The following HECTD4 variants were observed in gnomAD, a reference collection of about 807,000 sequenced individuals.
The protein encoded by HECTD4 is probable E3 ubiquitin-protein ligase HECTD4.
In HECTD4, 114 loss-of-function variants were observed where a neutral mutation model predicts 471.5. That is an observed-to-expected ratio of 0.24 (90% CI 0.21 to 0.28). The LOEUF (loss-of-function observed/expected upper bound fraction) is 0.28, where lower values mean the gene tolerates loss of function less well. Ranked by LOEUF, HECTD4 falls within the 10% of genes least tolerant of loss-of-function variation. The pLI, the probability that HECTD4 is intolerant of heterozygous loss-of-function variation, is 1.00. For synonymous variants in HECTD4, 2,012 were observed against 2,256.0 expected (o/e 0.89, Z 3.07); for missense variants, 3,866 against 5,651.5 (o/e 0.68, Z 10.13).
chr12:112,167,242 C>T (rs1716482253), intron 72 of HECTD4, 75 bp downstream of exon 72: 1 of 1,331,436 alleles, frequency 7.5e-7, no homozygotes. Flanking sequence ...GAGCTCGGGT[C>T]TGCATGGAGG....
At chr12:112,229,575 T>C in intron 41 of HECTD4, 123 bp downstream of exon 41, 1 of 964,220 alleles carries the variant, frequency 1.0e-6, no homozygotes, top group South Asian at 1.6e-5. Flanking sequence ...CTTATTTAGC[T>C]TGAAGAAACA....
intron 53 of HECTD4, 147 bp downstream of exon 53, chr12:112,204,339 C>T: frequency 1.3e-6 from 1 of 777,492 alleles, no homozygotes; most frequent in South Asian, 1.8e-5. Flanking sequence ...CCTAGGGCTT[C>T]ACATGGGGCG....
rs1433547894 is a variant in HECTD4, at chr12:112,212,673, AAACATATTTTC to A, written c.7466-34_7466-24del. The A allele has an allele frequency of 1.9e-6, 3 of 1,571,664 alleles. No homozygotes were observed. In the African/African-American group the frequency reaches 4.1e-5, roughly 21 times the overall value. On this transcript the variant is annotated intron_variant, in intron 48 of 75. Coordinates refer to ENST00000682272, the MANE Select transcript of HECTD4 (RefSeq NM_001388303.1). The stretch of plus-strand genomic sequence containing the variant: ...CACCTATAGCAGAGAACGGGAAGGA[AAACATATTTTC>A]TCCCTTTTATTAAGTAAATTTTAAA...
At chr12:112,343,511 T>G (rs1218624249) in intron 1 of HECTD4, among the ~76,000 whole-genome samples, 2 of 152,192 alleles carry the variant, frequency 1.3e-5, no homozygotes, top group African/African-American at 4.8e-5. Context: ...GGCTCAGGTC[T>G]GTAATCCCAG....
rs2031206550 is a variant in HECTD4, at chr12:112,171,193, G to T, written c.11856C>A (p.Phe3952Leu). ...LQSLNTTLET[F>L]FLPLVELRQT... ...GGCGCAGCTCCACCAGGGGCAGGAA[G>T]AAGGTCTCCAGTGTGGTGTTGAGGG... The change falls in exon 68 of 76, where the codon TTC (phenylalanine) becomes TTA (leucine). Residue 3952 changes from phenylalanine to leucine, a missense_variant. Phe to Leu is a conservative substitution (Grantham distance 22, BLOSUM62 0). Transcript: ENST00000682272. The T allele has an allele frequency of 6.2e-7, 1 of 1,613,254 alleles. No homozygotes were observed.
At chr12:112,359,354 A>G (rs1028700163) in intron 1 of HECTD4, among the ~76,000 whole-genome samples, 6 of 152,010 alleles carry the variant, frequency 3.9e-5, no homozygotes, top group African/African-American at 7.3e-5. Context: ...AAAAAATTGC[A>G]AACTCTCAGG....
intron 4 of HECTD4, among the ~76,000 whole-genome samples, 159 bp from the exon 5 acceptor site, chr12:112,309,828 G>A (rs1487666847): frequency 3.9e-5 from 6 of 152,156 alleles, no homozygotes; most frequent in African/African-American, 1.4e-4. Flanking sequence ...AAGATGGCTT[G>A]AGCCCCCAAA....
At chr12:112,226,525 T>C (rs917055530) in intron 44 of HECTD4, 118 bp downstream of exon 44, 3 of 568,410 alleles carry the variant, frequency 5.3e-6, no homozygotes, top group Non-Finnish European at 9.2e-6. Flanking sequence ...GGTGTTGTCC[T>C]TACAGCTCGG....
At chr12:112,220,932 T>C (rs182070376) in intron 44 of HECTD4, among the ~76,000 whole-genome samples, 1 of 152,206 alleles carries the variant, frequency 6.6e-6, no homozygotes, top group Admixed American at 6.5e-5. Flanking sequence ...CTGGGAGACA[T>C]AGTGAGACCC....
chr12:112,261,706 G>A (rs1220426962), intron 17 of HECTD4: 1 of 248,612 alleles, frequency 4.0e-6, no homozygotes, highest in Non-Finnish European at 7.8e-6. Flanking sequence ...TAGGAGAAAA[G>A]GCTCCCATCC....
chr12:112,360,344 A>C (rs1301201764), intron 1 of HECTD4, among the ~76,000 whole-genome samples: 1 of 152,158 alleles, frequency 6.6e-6, no homozygotes, highest in African/African-American at 2.4e-5. Context: ...TAAATAAATG[A>C]ATAAAATGTA....
chr12:112,332,980 C>T (rs968785982), intron 1 of HECTD4, among the ~76,000 whole-genome samples: 8 of 152,158 alleles, frequency 5.3e-5, no homozygotes, highest in Admixed American at 4.6e-4. Flanking sequence ...TAATTGGTCT[C>T]TTTCTCTCAG....
intron 9 of HECTD4, among the ~76,000 whole-genome samples, chr12:112,277,038 G>A (rs1469661609): frequency 6.6e-6 from 1 of 152,130 alleles, no homozygotes; most frequent in Non-Finnish European, 1.5e-5. Context: ...GTCCCTCCAA[G>A]GGTAAACATA....
At position 112,258,599 on chromosome 12, in the gene HECTD4, G is replaced by A; in HGVS notation, c.3028-3C>T. The A allele has an allele frequency of 3.1e-6, 5 of 1,594,144 alleles. No homozygotes were observed. The highest frequency in any genetic ancestry group is 4.3e-6 in the Non-Finnish European group (5 of 1,172,918). ...TGGGTTTTAAGCAGCAACGCCGTCT[G>A]AAACACAAAACCATCATTATGTCTT... is the stretch of plus-strand genomic sequence containing the variant. On this transcript the variant is annotated splice_region_variant and splice_polypyrimidine_tract_variant and intron_variant, in intron 19 of 75. Transcript: ENST00000682272.
intron 72 of HECTD4, among the ~76,000 whole-genome samples, chr12:112,165,562 A>G (rs1480807423): frequency 2.0e-5 from 3 of 151,878 alleles, no homozygotes; most frequent in Non-Finnish European, 2.9e-5. Flanking sequence ...TGTGTTAGCC[A>G]GGATGGTCTC....
rs543451769 is a variant in HECTD4 at position 112,213,366 on chromosome 12, C to T, written c.7466-716G>A. 3.3e-5 allele frequency among the ~76,000 whole-genome samples: 5 copies of T among 152,084 alleles called. No homozygotes were observed. The highest frequency in any genetic ancestry group is 7.2e-5 in the African/African-American group (3 of 41,502). On this transcript the variant is annotated intron_variant, in intron 48 of 75. Transcript: ENST00000682272. The surrounding 1 kb of genome is among the most constrained non-coding windows in gnomAD (Gnocchi z 4.0). ...AAAAAGGTATTAGTAATATCATCTC[C>T]GGTGAATATTCAGAAATGGCCTAAA...
chr12:112,263,079 T>TA (rs139835055), intron 17 of HECTD4, among the ~76,000 whole-genome samples: 14,651 of 152,196 alleles, frequency 0.096, 1,882 homozygotes, highest in East Asian at 0.62. Context: ...GGGCTTGTTG[T>TA]TAATACAGCA....
chr12:112,271,555 G>A (rs778032137), intron 11 of HECTD4, among the ~76,000 whole-genome samples: 2 of 152,306 alleles, frequency 1.3e-5, no homozygotes, highest in South Asian at 2.1e-4. Context: ...CTAACCATGA[G>A]AAAGCATCAG....
At chr12:112,252,650 C>A in intron 22 of HECTD4, 122 bp from the exon 23 acceptor site, 1 of 1,163,668 alleles carries the variant, frequency 8.6e-7, no homozygotes, top group South Asian at 1.5e-5. Context: ...CTCCTTTTCT[C>A]ATTTGCTTTT....
Sources: gnomAD v4.1 joint callset for allele counts (sites outside exome capture counted in the v4.1 genomes callset) on GRCh38, gnomAD v4.1.1 for gene constraint, Gnocchi (gnomAD v3.1) non-coding constraint, MANE v1.5 for transcripts, NCBI Gene and HGNC (gene_info 2026-07-23, HGNC 2026-07-21) for gene names.